ABCA12: variants seen among roughly 807,000 people sequenced by gnomAD.
The protein encoded by ABCA12 is ATP binding cassette subfamily A member 12, also known as glucosylceramide transporter ABCA12.
Under a neutral mutation model 293.5 loss-of-function variants are expected in ABCA12, and 156 were observed. The observed-to-expected ratio is 0.53, with a 90% confidence interval of 0.47 to 0.61. The LOEUF is 0.61. Among genes scored for constraint, ABCA12 ranks in the 20% least tolerant of loss-of-function variants. ABCA12 has a pLI of 0.00. For missense variants in ABCA12, 2,797 were observed against 3,090.2 expected, an observed-to-expected ratio of 0.91 and a Z score of 2.25; for synonymous variants, 1,063 against 1,108.0, an observed-to-expected ratio of 0.96 and a Z score of 0.81.
chr2:215,119,751 A>AC, intron 1 of ABCA12, among the ~76,000 whole-genome samples: 1 of 141,752 alleles, frequency 7.1e-6, no homozygotes, highest in African/African-American at 3.1e-5. Context: ...AAAAAAAAAA[A>AC]ATGAAAACAA....
At chr2:214,991,388 G>C (rs997751694) in intron 23 of ABCA12, among the ~76,000 whole-genome samples, 9 of 152,098 alleles carry the variant, frequency 5.9e-5, no homozygotes, top group Non-Finnish European at 1.3e-4. Context: ...ACATGATTTT[G>C]ACATTTATGC....
chr2:215,008,560 T>C (rs928005549), intron 18 of ABCA12, among the ~76,000 whole-genome samples: 28 of 152,120 alleles, frequency 1.8e-4, no homozygotes, highest in Non-Finnish European at 3.4e-4. Context: ...TATTCTTGTA[T>C]GAGAAAAACT....
chr2:214,944,803 TTTGA>T (rs1173474109), intron 49 of ABCA12, among the ~76,000 whole-genome samples, 194 bp downstream of exon 49: 5 of 152,078 alleles, frequency 3.3e-5, no homozygotes, highest in Non-Finnish European at 7.4e-5. Context: ...TATAAAATAG[TTTGA>T]TTGAACTGTG....
In ABCA12 at chr2:215,014,882, C is replaced by A. The variant is rs142483401; in HGVS notation, c.1956+608G>T. 2.1e-3 allele frequency among the ~76,000 whole-genome samples: 322 copies of A among 152,174 alleles called. 2 individuals are homozygous for A. In the East Asian group the frequency reaches 0.033, roughly 16 times the overall value. On this transcript the variant is annotated intron_variant, in intron 15 of 52. Coordinates refer to ENST00000272895, the MANE Select transcript of ABCA12 (RefSeq NM_173076.3). ...AGTGAAATTTGGGTGAACATAGGTG[C>A]TTAATTTTCCTATGTTTATATTTTT...
chr2:214,956,872 T>C lies in ABCA12; in HGVS notation c.6118-94A>G, dbSNP rs905589971. ...CCATCTAGTTTAAAACTGCAACAAG[T>C]TGACCTAGAAAAATTTGAAGAAATG... On this transcript the variant is annotated intron_variant, in intron 41 of 52. Coordinates refer to ENST00000272895, the MANE Select transcript of ABCA12 (RefSeq NM_173076.3). The C allele has an allele frequency of 6.2e-6, 5 of 805,998 alleles. No individual in the cohort carries two copies. The South Asian group carries it at 7.4e-5, about 12-fold the overall frequency. The allele number at this position is 805,998 out of a possible 1,614,324, so 49.9% of individuals were successfully genotyped here.
chr2:215,013,503 CCAAT>C (rs1251669830), intron 15 of ABCA12: 1 of 154,080 alleles, frequency 6.5e-6, no homozygotes. Flanking sequence ...GCTCCTGATT[CCAAT>C]CATATTTTGA....
intron 15 of ABCA12, among the ~76,000 whole-genome samples, chr2:215,012,595 C>T (rs1185558828): frequency 2.6e-5 from 4 of 152,072 alleles, no homozygotes; most frequent in Admixed American, 6.5e-5. Context: ...GGCAAATCTA[C>T]AGAGACAGAA....
chr2:215,052,618 C>T (rs1244639697), intron 4 of ABCA12, 34 bp from the exon 5 acceptor site: 2 of 1,493,036 alleles, frequency 1.3e-6, no homozygotes, highest in East Asian at 2.3e-5. Context: ...TAGCATTCCA[C>T]ACACACACAC....
chr2:214,976,076 T>C, intron 33 of ABCA12, 39 bp from the exon 34 acceptor site: 1 of 1,612,544 alleles, frequency 6.2e-7, no homozygotes, highest in Non-Finnish European at 8.5e-7. Flanking sequence ...TTCTGGGAAA[T>C]CTTGATAAGC....
intron 2 of ABCA12, among the ~76,000 whole-genome samples, chr2:215,081,374 G>A (rs1219247604): frequency 6.6e-6 from 1 of 151,478 alleles, no homozygotes; most frequent in African/African-American, 2.4e-5. Flanking sequence ...GCTACTCTGG[G>A]TGCTGAGGCA....
At chr2:215,041,096 A>T (rs1038490009) in intron 7 of ABCA12, among the ~76,000 whole-genome samples, 2 of 152,194 alleles carry the variant, frequency 1.3e-5, no homozygotes, top group African/African-American at 4.8e-5. Context: ...TAAGTATATG[A>T]AGGAAATGTA....
intron 52 of ABCA12, 134 bp downstream of exon 52, chr2:214,933,944 C>A: frequency 1.1e-6 from 1 of 915,912 alleles, no homozygotes; most frequent in Non-Finnish European, 1.7e-6. Flanking sequence ...AGGCTCTTTG[C>A]TAAGTTTTTC....
At chr2:215,002,199 T>C (rs536476318) in intron 20 of ABCA12, among the ~76,000 whole-genome samples, 3 of 152,320 alleles carry the variant, frequency 2.0e-5, no homozygotes, top group African/African-American at 7.2e-5. Flanking sequence ...ACTGTATTAT[T>C]ACATAAGCTG....
intron 36 of ABCA12, 148 bp downstream of exon 36, chr2:214,973,801 T>C (rs1699443528): frequency 2.8e-6 from 2 of 718,818 alleles, no homozygotes. Flanking sequence ...GTCAGTATTT[T>C]TTGAGCTGCC....
chr2:214,931,719 G>A lies in ABCA12; in HGVS notation c.*915C>T, dbSNP rs1162023794. On this transcript the variant is annotated 3_prime_UTR_variant, in exon 53 of 53. Transcript: ENST00000272895. ...ATCCTATAGCCATATACACGATTCTGGGTCACCCAGATAATTAGCTGAAAA... is the reference window on the plus strand; with the variant it reads ...ATCCTATAGCCATATACACGATTCTAGGTCACCCAGATAATTAGCTGAAAA... The A allele has an allele frequency of 6.6e-6, 1 of 152,552 alleles. No homozygotes were observed. Among genetic ancestry groups the A allele is most frequent in the Non-Finnish European group, 1.5e-5 (1 of 68,052 alleles). The allele number at this position is 152,552 out of a possible 1,614,324, so 9.4% of individuals were successfully genotyped here.
At chr2:215,087,616 G>A (rs1702068467) in intron 2 of ABCA12, among the ~76,000 whole-genome samples, 1 of 151,966 alleles carries the variant, frequency 6.6e-6, no homozygotes, top group African/African-American at 2.4e-5. Context: ...TACGCTAATA[G>A]AGTCATGCAC....
At chr2:214,993,203 C>T (rs1471502926) in intron 23 of ABCA12, among the ~76,000 whole-genome samples, 2 of 152,180 alleles carry the variant, frequency 1.3e-5, no homozygotes, top group Non-Finnish European at 2.9e-5. Flanking sequence ...TGCCCTCTTT[C>T]TCACCTTCTT....
intron 3 of ABCA12, among the ~76,000 whole-genome samples, chr2:215,056,188 G>A (rs1467006714): frequency 2.0e-5 from 3 of 152,166 alleles, no homozygotes; most frequent in African/African-American, 7.2e-5. Context: ...GAAGTGGGAA[G>A]AAAAGAAAGA....
At chr2:215,121,729 TG>T (rs1163343902) in intron 1 of ABCA12, among the ~76,000 whole-genome samples, 19 of 152,254 alleles carry the variant, frequency 1.2e-4, no homozygotes, top group Admixed American at 5.9e-4. Flanking sequence ...AATTGAATCA[TG>T]GGGGCGGGTC....
Sources: gnomAD v4.1 joint callset for allele counts (sites outside exome capture counted in the v4.1 genomes callset) on GRCh38, gnomAD v4.1.1 for gene constraint, MANE v1.5 for transcripts, NCBI Gene and HGNC (gene_info 2026-07-23, HGNC 2026-07-21) for gene names.